The following IL1RAPL2 variants were observed in gnomAD, a reference collection of about 807,000 sequenced individuals.
IL1RAPL2 encodes X-linked interleukin-1 receptor accessory protein-like 2.
In IL1RAPL2, 3 loss-of-function variants were observed where a neutral mutation model predicts 44.1. The observed-to-expected ratio is 0.07, with a 90% CI of 0.03 to 0.18. The LOEUF is 0.18. Among genes scored for constraint, IL1RAPL2 ranks in the 10% least tolerant of loss-of-function variants. IL1RAPL2 has a pLI of 1.00. For missense variants in IL1RAPL2, 391 were observed against 496.4 expected (o/e 0.79, Z 2.02); for synonymous variants, 181 against 178.8 (o/e 1.01, Z -0.10).
intron 2 of IL1RAPL2, among the ~76,000 whole-genome samples, chrX:105,145,961 G>A (rs911613463): frequency 2.7e-5 from 3 of 110,776 alleles, no homozygotes; most frequent in African/African-American, 9.9e-5. Context: ...TCATGAATGA[G>A]GCAAGTGCCC....
intron 10 of IL1RAPL2, among the ~76,000 whole-genome samples, chrX:105,757,041 T>C (rs968900014): frequency 8.9e-6 from 1 of 111,778 alleles, no homozygotes; most frequent in Non-Finnish European, 1.9e-5. Context: ...AAATGAATCA[T>C]TCACTATTTA....
intron 2 of IL1RAPL2, among the ~76,000 whole-genome samples, chrX:104,885,477 C>T (rs1465285335): frequency 8.9e-6 from 1 of 112,020 alleles, no homozygotes; most frequent in East Asian, 2.8e-4. Flanking sequence ...ATATACTCCC[C>T]TGTCACCCAA....
At chrX:105,358,802 T>C (rs780426192) in intron 5 of IL1RAPL2, among the ~76,000 whole-genome samples, 1 of 111,320 alleles carries the variant, frequency 9.0e-6, no homozygotes, top group Non-Finnish European at 1.9e-5. Flanking sequence ...CGAATAACTA[T>C]GGTGTGTCGC....
intron 6 of IL1RAPL2, among the ~76,000 whole-genome samples, chrX:105,711,576 A>C (rs2147548677): frequency 9.0e-6 from 1 of 111,675 alleles, no homozygotes; most frequent in Admixed American, 9.5e-5. Context: ...CAAAACTTAT[A>C]TCCTTCTCAC....
intron 3 of IL1RAPL2, among the ~76,000 whole-genome samples, chrX:105,203,255 A>G (rs1556148222): frequency 9.0e-6 from 1 of 111,590 alleles, no homozygotes; most frequent in Non-Finnish European, 1.9e-5. Flanking sequence ...TCTCTCTCCC[A>G]TATCATGAAA....
At chrX:105,045,277 A>G (rs774748431) in intron 2 of IL1RAPL2, among the ~76,000 whole-genome samples, 56 of 111,861 alleles carry the variant, frequency 5.0e-4, no homozygotes, top group Admixed American at 3.1e-3. Context: ...TTAACCAACT[A>G]TGGTGTATGT....
chrX:105,552,583 A>AT (rs1448677390), intron 6 of IL1RAPL2, among the ~76,000 whole-genome samples: 4 of 112,117 alleles, frequency 3.6e-5, no homozygotes, highest in African/African-American at 1.3e-4. Flanking sequence ...GGCATGACAC[A>AT]TAAAAACCTC....
chrX:104,599,402 A>G (rs1175294601), intron 1 of IL1RAPL2, among the ~76,000 whole-genome samples: 1 of 109,153 alleles, frequency 9.2e-6, no homozygotes, highest in Non-Finnish European at 1.9e-5. Flanking sequence ...TGCATGCCAC[A>G]TGCTCAGCTA....
chrX:104,976,250 A>C (rs1174813454), intron 2 of IL1RAPL2, among the ~76,000 whole-genome samples: 6 of 111,334 alleles, frequency 5.4e-5, no homozygotes, highest in Admixed American at 9.6e-5. Flanking sequence ...TGGGATGCTC[A>C]TCATTGTCTC....
intron 5 of IL1RAPL2, among the ~76,000 whole-genome samples, chrX:105,423,210 C>T (rs964910041): frequency 9.9e-5 from 11 of 111,081 alleles, no homozygotes; most frequent in Middle Eastern, 4.7e-3. Context: ...ATTTTCATAC[C>T]GAATAAACCA....
chrX:105,645,844 G>A (rs2037601617), intron 6 of IL1RAPL2, among the ~76,000 whole-genome samples: 1 of 111,651 alleles, frequency 9.0e-6, no homozygotes. Context: ...CGCTGGCATG[G>A]GTAATCTGTG....
At chrX:105,116,007 G>A (rs1178172499) in intron 2 of IL1RAPL2, among the ~76,000 whole-genome samples, 9 of 113,259 alleles carry the variant, frequency 7.9e-5, no homozygotes, top group Admixed American at 5.5e-4. Flanking sequence ...CTCTGAGTGC[G>A]GGGCCGCTGA....
chrX:104,781,064 G>A (rs1204535210), intron 2 of IL1RAPL2, among the ~76,000 whole-genome samples: 1 of 84,982 alleles, frequency 1.2e-5, no homozygotes, highest in Non-Finnish European at 2.5e-5. Flanking sequence ...ACTTTACTTA[G>A]TTTTATTTTT....
At chrX:104,723,950 T>C (rs996571330) in intron 2 of IL1RAPL2, among the ~76,000 whole-genome samples, 9 of 111,276 alleles carry the variant, frequency 8.1e-5, no homozygotes, top group Admixed American at 2.9e-4. Context: ...GACTAAACAG[T>C]TCACCCTGAT....
chrX:104,623,588 C>T (rs1929442008), intron 1 of IL1RAPL2, among the ~76,000 whole-genome samples: 1 of 111,260 alleles, frequency 9.0e-6, no homozygotes, highest in South Asian at 3.9e-4. Context: ...TACTTAACAA[C>T]ACACCACTGG....
intron 2 of IL1RAPL2, among the ~76,000 whole-genome samples, chrX:104,926,912 A>G (rs777169343): frequency 2.6e-4 from 29 of 111,690 alleles, no homozygotes; most frequent in Non-Finnish European, 5.1e-4. Flanking sequence ...TTTAGAGTCT[A>G]CCTGTTTACC....
chrX:105,546,922 G>C (rs2147800822), intron 6 of IL1RAPL2, among the ~76,000 whole-genome samples: 1 of 111,950 alleles, frequency 8.9e-6, no homozygotes, highest in Non-Finnish European at 1.9e-5. Flanking sequence ...GGCTTTAAAT[G>C]ATTTTATACA....
At chrX:105,225,750 G>A (rs952013795) in intron 3 of IL1RAPL2, among the ~76,000 whole-genome samples, 4 of 108,283 alleles carry the variant, frequency 3.7e-5, no homozygotes, top group Admixed American at 1.0e-4. Flanking sequence ...ATAATGGCAC[G>A]ATCTTGGCTC....
At chrX:104,987,784 A>G (rs1446477925) in intron 2 of IL1RAPL2, among the ~76,000 whole-genome samples, 1 of 111,101 alleles carries the variant, frequency 9.0e-6, no homozygotes, top group Non-Finnish European at 1.9e-5. Flanking sequence ...GACAGCAAAT[A>G]CAAATGGGTA....
Sources: allele counts gnomAD v4.1 joint callset (sites outside exome capture counted in the v4.1 genomes callset), GRCh38; gene constraint gnomAD v4.1.1; transcripts MANE v1.5; gene names NCBI Gene and HGNC (gene_info 2026-07-23, HGNC 2026-07-21).